The following ST6GALNAC3 variants were observed in gnomAD, a reference collection of about 807,000 sequenced individuals.
The protein encoded by ST6GALNAC3 is ST6 N-acetylgalactosaminide alpha-2,6-sialyltransferase 3, also known as alpha-N-acetylgalactosaminide alpha-2,6-sialyltransferase 3.
A neutral mutation model predicts 32.7 loss-of-function variants in ST6GALNAC3; 25 were observed. The ratio of observed to expected loss-of-function variants is 0.76; its 90% CI spans 0.56 to 1.07. ST6GALNAC3 has a LOEUF of 1.07. ST6GALNAC3 is among the 50% of genes least tolerant of loss of function. The pLI, the probability that ST6GALNAC3 is intolerant of heterozygous loss-of-function variation, is 0.00. For missense variants in ST6GALNAC3, 355 were observed against 382.4 expected (o/e 0.93, Z 0.60); for synonymous variants, 129 against 133.1 (o/e 0.97, Z 0.21).
chr1:76,289,479 A>C (rs1458659050), intron 1 of ST6GALNAC3, among the ~76,000 whole-genome samples: 1 of 152,234 alleles, frequency 6.6e-6, no homozygotes, highest in Admixed American at 6.5e-5. Flanking sequence ...GTTAGCTTAC[A>C]TCATGGGTTC....
chr1:76,478,271 C>G (rs780353559), intron 3 of ST6GALNAC3, among the ~76,000 whole-genome samples: 5 of 152,184 alleles, frequency 3.3e-5, no homozygotes, highest in Non-Finnish European at 7.3e-5. Context: ...GCCTCACTCA[C>G]CTTGCAGTTG....
At chr1:76,126,440 C>CTTCCTTTG (rs1553157157) in intron 1 of ST6GALNAC3, among the ~76,000 whole-genome samples, 1,892 of 147,426 alleles carry the variant, frequency 0.013, 40 homozygotes, top group African/African-American at 0.045. Context: ...TCCTTCCTTC[C>CTTCCTTTG]TTCCTTCCTT....
intron 1 of ST6GALNAC3, among the ~76,000 whole-genome samples, chr1:76,275,204 T>C (rs1659068842): frequency 6.6e-6 from 1 of 152,152 alleles, no homozygotes; most frequent in African/African-American, 2.4e-5. Context: ...TAAGCACAAG[T>C]TGTAGCACAC....
chr1:76,557,483 C>T (rs1327065880), intron 3 of ST6GALNAC3, among the ~76,000 whole-genome samples: 1 of 152,060 alleles, frequency 6.6e-6, no homozygotes, highest in Non-Finnish European at 1.5e-5. Context: ...AGGTAAAGAT[C>T]TGAGAGGAGG....
chr1:76,226,963 G>T (rs1412326503), intron 1 of ST6GALNAC3, among the ~76,000 whole-genome samples: 1 of 151,504 alleles, frequency 6.6e-6, no homozygotes, highest in Non-Finnish European at 1.5e-5. Flanking sequence ...TCTAGGATGG[G>T]TTTAACTGGC....
At chr1:76,422,768 T>C (rs529325381) in intron 3 of ST6GALNAC3, among the ~76,000 whole-genome samples, 1 of 152,040 alleles carries the variant, frequency 6.6e-6, no homozygotes, top group Non-Finnish European at 1.5e-5. Context: ...ATTCAATTAT[T>C]TTGAACATTT....
chr1:76,129,936 T>A (rs1301808109), intron 1 of ST6GALNAC3, among the ~76,000 whole-genome samples: 2 of 152,156 alleles, frequency 1.3e-5, no homozygotes, highest in Non-Finnish European at 2.9e-5. Context: ...GGCTGATTGG[T>A]GGGAATTGCA....
At chr1:76,440,514 T>C (rs1656499775) in intron 3 of ST6GALNAC3, among the ~76,000 whole-genome samples, 1 of 152,200 alleles carries the variant, frequency 6.6e-6, no homozygotes, top group South Asian at 2.1e-4. Context: ...AAGGGCAAAA[T>C]ATCCACTGCA....
At chr1:76,571,045 T>C (rs895088461) in intron 3 of ST6GALNAC3, among the ~76,000 whole-genome samples, 1 of 152,098 alleles carries the variant, frequency 6.6e-6, no homozygotes, top group African/African-American at 2.4e-5. Flanking sequence ...CTTATTTTCC[T>C]AATGTTGCTA....
chr1:76,141,602 C>CA (rs1029553019), intron 1 of ST6GALNAC3, among the ~76,000 whole-genome samples: 3 of 151,720 alleles, frequency 2.0e-5, no homozygotes, highest in Admixed American at 1.3e-4. Context: ...TTACTTATAG[C>CA]AAAAAAAGCA....
At chr1:76,152,756 T>C (rs1044506210) in intron 1 of ST6GALNAC3, among the ~76,000 whole-genome samples, 3 of 152,100 alleles carry the variant, frequency 2.0e-5, no homozygotes, top group African/African-American at 7.3e-5. Context: ...ATTTTGACCG[T>C]TGGGCAGAGA....
chr1:76,354,775 A>C (rs959300395), intron 2 of ST6GALNAC3, among the ~76,000 whole-genome samples: 4 of 152,184 alleles, frequency 2.6e-5, no homozygotes, highest in African/African-American at 9.7e-5. Flanking sequence ...GGATGTATTC[A>C]GTATTGACAA....
intron 1 of ST6GALNAC3, among the ~76,000 whole-genome samples, chr1:76,293,945 G>A (rs1334364552): frequency 6.6e-6 from 1 of 152,080 alleles, no homozygotes; most frequent in Non-Finnish European, 1.5e-5. Flanking sequence ...TTCTTTACTG[G>A]TCAATGAAAA....
At chr1:76,235,521 A>C (rs1656602495) in intron 1 of ST6GALNAC3, among the ~76,000 whole-genome samples, 1 of 151,864 alleles carries the variant, frequency 6.6e-6, no homozygotes, top group Non-Finnish European at 1.5e-5. Flanking sequence ...TAAATAAGTA[A>C]AATAAAATAC....
At chr1:76,511,048 A>G (rs1247206243) in intron 3 of ST6GALNAC3, among the ~76,000 whole-genome samples, 1 of 152,112 alleles carries the variant, frequency 6.6e-6, no homozygotes, top group East Asian at 1.9e-4. Flanking sequence ...GGCTTCCCAG[A>G]TGGGGTTTCT....
At chr1:76,155,379 G>A (rs767834471) in intron 1 of ST6GALNAC3, among the ~76,000 whole-genome samples, 27 of 152,226 alleles carry the variant, frequency 1.8e-4, no homozygotes, top group Admixed American at 3.9e-4. Flanking sequence ...GTAATTTTTG[G>A]TTGTTTTAAT....
intron 1 of ST6GALNAC3, among the ~76,000 whole-genome samples, chr1:76,252,094 A>G (rs1043004433): frequency 1.1e-4 from 16 of 152,154 alleles, no homozygotes; most frequent in African/African-American, 3.9e-4. Context: ...AAAAAACCAG[A>G]AAAACCAAAT....
At chr1:76,381,509 C>T (rs891007728) in intron 2 of ST6GALNAC3, among the ~76,000 whole-genome samples, 5 of 152,002 alleles carry the variant, frequency 3.3e-5, no homozygotes, top group Admixed American at 2.6e-4. Flanking sequence ...TTCACAAGAG[C>T]ACAGACCTTG....
intron 3 of ST6GALNAC3, among the ~76,000 whole-genome samples, chr1:76,552,184 G>A (rs1664677596): frequency 6.6e-6 from 1 of 152,190 alleles, no homozygotes. Flanking sequence ...CTGTCATGTG[G>A]ATTCCAGGCA....
Sources: gnomAD v4.1 joint callset for allele counts (sites outside exome capture counted in the v4.1 genomes callset) on GRCh38, gnomAD v4.1.1 for gene constraint, MANE v1.5 for transcripts, NCBI Gene and HGNC (gene_info 2026-07-23, HGNC 2026-07-21) for gene names.